The following CCDC178 variants were observed in gnomAD, a reference collection of about 807,000 sequenced individuals.
CCDC178 encodes the protein coiled-coil domain containing 178.
In CCDC178, 126 loss-of-function variants were observed where a neutral mutation model predicts 117.4. The ratio of observed to expected loss-of-function variants is 1.07; its 90% confidence interval spans 0.93 to 1.24. CCDC178 has a LOEUF of 1.24. CCDC178 is among the 50% of genes most tolerant of loss of function. The pLI, the probability that CCDC178 is intolerant of heterozygous loss-of-function variation, is 0.00. For missense variants in CCDC178, 1,030 were observed against 986.9 expected (o/e 1.04, Z -0.59); for synonymous variants, 283 against 313.4 (o/e 0.90, Z 1.02).
At chr18:33,164,049 T>C (rs1417211851) in intron 20 of CCDC178, among the ~76,000 whole-genome samples, 2 of 151,764 alleles carry the variant, frequency 1.3e-5, no homozygotes, top group Admixed American at 1.3e-4. Context: ...ATAAGTCAAA[T>C]TTGCTTACAT....
chr18:33,434,025 G>T (rs562777508), intron 2 of CCDC178, among the ~76,000 whole-genome samples: 1 of 152,020 alleles, frequency 6.6e-6, no homozygotes, highest in South Asian at 2.1e-4. Context: ...CTAGAAATTT[G>T]TTAATATTCA....
chr18:33,181,253 A>C (rs1164187410), intron 20 of CCDC178, among the ~76,000 whole-genome samples: 1 of 152,006 alleles, frequency 6.6e-6, no homozygotes, highest in African/African-American at 2.4e-5. Flanking sequence ...ATTTGTCATA[A>C]GATAAATGAT....
At chr18:33,375,549 T>G (rs1298576475) in intron 5 of CCDC178, among the ~76,000 whole-genome samples, 1 of 152,132 alleles carries the variant, frequency 6.6e-6, no homozygotes, top group Non-Finnish European at 1.5e-5. Flanking sequence ...AACTAAAATG[T>G]ACCCATTGAG....
At chr18:33,332,346 A>C (rs2062680968) in intron 10 of CCDC178, among the ~76,000 whole-genome samples, 1 of 152,200 alleles carries the variant, frequency 6.6e-6, no homozygotes, top group Non-Finnish European at 1.5e-5. Flanking sequence ...AAATGTTCAA[A>C]AATAAATATA....
At chr18:33,339,922 C>T (rs915716520) in intron 9 of CCDC178, among the ~76,000 whole-genome samples, 1 of 152,004 alleles carries the variant, frequency 6.6e-6, no homozygotes, top group East Asian at 1.9e-4. Flanking sequence ...TGAACTAATA[C>T]AGTAAATTGG....
At chr18:33,242,718 T>C (rs1039251256) in intron 15 of CCDC178, among the ~76,000 whole-genome samples, 1 of 151,688 alleles carries the variant, frequency 6.6e-6, no homozygotes, top group Non-Finnish European at 1.5e-5. Context: ...ATCATCAAAC[T>C]CCAGTTAGGA....
chr18:33,244,763 T>A (rs2059527229), intron 15 of CCDC178, among the ~76,000 whole-genome samples: 1 of 151,920 alleles, frequency 6.6e-6, no homozygotes, highest in Admixed American at 6.6e-5. Context: ...CATCTCTCAC[T>A]TAGGAGTGGG....
At chr18:33,182,053 A>G (rs1427491891) in intron 20 of CCDC178, among the ~76,000 whole-genome samples, 1 of 151,894 alleles carries the variant, frequency 6.6e-6, no homozygotes, top group Non-Finnish European at 1.5e-5. Context: ...GACTTGCAAG[A>G]AAAAGGTAAA....
intron 20 of CCDC178, among the ~76,000 whole-genome samples, chr18:33,168,704 C>A (rs964133884): frequency 6.6e-6 from 1 of 152,028 alleles, no homozygotes. Flanking sequence ...GTGTTTAACC[C>A]GAACTTACTT....
intron 20 of CCDC178, among the ~76,000 whole-genome samples, chr18:33,098,982 C>G (rs1253939448): frequency 6.6e-6 from 1 of 151,848 alleles, no homozygotes; most frequent in Non-Finnish European, 1.5e-5. Flanking sequence ...AAAAAAAAAT[C>G]ATTGATTTGA....
chr18:33,248,577 C>G (rs2144701915), intron 14 of CCDC178, among the ~76,000 whole-genome samples: 1 of 152,090 alleles, frequency 6.6e-6, no homozygotes, highest in African/African-American at 2.4e-5. Flanking sequence ...TCATCCATGT[C>G]CCTACAAAGG....
chr18:32,967,858 G>GT (rs557982093), intron 22 of CCDC178, among the ~76,000 whole-genome samples: 169 of 132,048 alleles, frequency 1.3e-3, no homozygotes, highest in African/African-American at 3.2e-3. Flanking sequence ...ATATACTTTT[G>GT]TTTTTTTTTT....
intron 21 of CCDC178, among the ~76,000 whole-genome samples, chr18:33,033,022 C>T (rs550583922): frequency 3.3e-5 from 5 of 152,160 alleles, no homozygotes; most frequent in African/African-American, 1.2e-4. Context: ...GCTGTTTGCT[C>T]CCTGTTACTC....
At chr18:33,088,540 T>C (rs1377739033) in intron 21 of CCDC178, among the ~76,000 whole-genome samples, 1 of 152,196 alleles carries the variant, frequency 6.6e-6, no homozygotes, top group Admixed American at 6.5e-5. Flanking sequence ...TGTGTGTTAA[T>C]ATAAATGGCA....
At chr18:33,380,547 G>A (rs116382911) in intron 5 of CCDC178, among the ~76,000 whole-genome samples, 60 of 152,270 alleles carry the variant, frequency 3.9e-4, no homozygotes, top group African/African-American at 1.4e-3. Flanking sequence ...GAAACAAAGT[G>A]TGCTCCTTCA....
At chr18:33,190,672 C>A (rs1325768767) in intron 20 of CCDC178, among the ~76,000 whole-genome samples, 1 of 152,120 alleles carries the variant, frequency 6.6e-6, no homozygotes, top group Non-Finnish European at 1.5e-5. Context: ...CCCTAATGAA[C>A]AATTCCAGAA....
At chr18:33,403,797 G>C (rs1414199117) in intron 3 of CCDC178, among the ~76,000 whole-genome samples, 1 of 152,152 alleles carries the variant, frequency 6.6e-6, no homozygotes, top group Non-Finnish European at 1.5e-5. Context: ...TGGAGGCTGA[G>C]TGTGGACTAG....
At chr18:33,305,053 G>A (rs919151398) in intron 11 of CCDC178, among the ~76,000 whole-genome samples, 3 of 152,090 alleles carry the variant, frequency 2.0e-5, no homozygotes, top group Non-Finnish European at 2.9e-5. Flanking sequence ...TTGGTTTTAT[G>A]TATTAGCTTA....
chr18:33,389,876 A>T (rs1390423579), intron 4 of CCDC178, among the ~76,000 whole-genome samples: 1 of 151,780 alleles, frequency 6.6e-6, no homozygotes. Flanking sequence ...AAACAAACAG[A>T]TAAGTTATTA....
Sources: allele counts gnomAD v4.1 joint callset (sites outside exome capture counted in the v4.1 genomes callset), GRCh38; gene constraint gnomAD v4.1.1; transcripts MANE v1.5; gene names NCBI Gene and HGNC (gene_info 2026-07-23, HGNC 2026-07-21).